The following MARCHF1 variants were observed in gnomAD, a reference collection of about 807,000 sequenced individuals.
MARCHF1 encodes the protein E3 ubiquitin-protein ligase MARCHF1.
MARCHF1 carries 40 observed loss-of-function variants against 54.2 expected under a neutral mutation model. That is an observed-to-expected ratio of 0.74 (90% CI 0.57 to 0.96). MARCHF1 has a LOEUF of 0.96. Ranked by LOEUF, MARCHF1 falls within the 40% of genes least tolerant of loss-of-function variation. The pLI is 0.00. For missense variants in MARCHF1, 586 were observed against 656.5 expected (o/e 0.89, Z 1.17); for synonymous variants, 236 against 236.3 (o/e 1.00, Z 0.01).
chr4:163,925,123 T>C (rs1301019846), intron 3 of MARCHF1, among the ~76,000 whole-genome samples: 1 of 151,856 alleles, frequency 6.6e-6, no homozygotes, highest in Non-Finnish European at 1.5e-5. Context: ...TTACAGGAAG[T>C]GAGGTTGGCC....
chr4:164,161,184 T>TCA (rs1178335928), intron 1 of MARCHF1, among the ~76,000 whole-genome samples: 1 of 152,100 alleles, frequency 6.6e-6, no homozygotes, highest in African/African-American at 2.4e-5. Flanking sequence ...CACCCTTGGT[T>TCA]CTGTCCTCGT....
At chr4:164,245,149 CA>C (rs1299462407) in intron 1 of MARCHF1, among the ~76,000 whole-genome samples, 1 of 151,958 alleles carries the variant, frequency 6.6e-6, no homozygotes, top group Admixed American at 6.6e-5. Flanking sequence ...GGCAGAGACA[CA>C]ACAAAAAAAG....
At chr4:164,081,749 CAA>C (rs1292273086) in intron 2 of MARCHF1, among the ~76,000 whole-genome samples, 1 of 152,096 alleles carries the variant, frequency 6.6e-6, no homozygotes, top group Non-Finnish European at 1.5e-5. Flanking sequence ...CATACACACA[CAA>C]ATACAGAAAC....
At chr4:163,898,997 G>T (rs2111299963) in intron 3 of MARCHF1, among the ~76,000 whole-genome samples, 1 of 152,232 alleles carries the variant, frequency 6.6e-6, no homozygotes, top group Admixed American at 6.5e-5. Context: ...TGTCCACATG[G>T]ACACAAAGAT....
At chr4:164,241,998 T>C (rs1032708233) in intron 1 of MARCHF1, among the ~76,000 whole-genome samples, 1 of 152,128 alleles carries the variant, frequency 6.6e-6, no homozygotes, top group African/African-American at 2.4e-5. Context: ...GACTCACTGA[T>C]TGCTAGCACG....
intron 4 of MARCHF1, among the ~76,000 whole-genome samples, chr4:163,712,024 T>C (rs1191992936): frequency 1.3e-5 from 2 of 152,178 alleles, no homozygotes; most frequent in East Asian, 3.9e-4. Flanking sequence ...TAAAAACCTA[T>C]CAAGTAGGTT....
intron 5 of MARCHF1, among the ~76,000 whole-genome samples, chr4:163,645,384 C>G (rs538527199): frequency 3.3e-5 from 5 of 152,234 alleles, no homozygotes; most frequent in East Asian, 1.9e-4. Flanking sequence ...CTTAACCTGC[C>G]AAAACATGTC....
At chr4:163,787,482 C>T (rs1016841833) in intron 4 of MARCHF1, among the ~76,000 whole-genome samples, 1 of 151,576 alleles carries the variant, frequency 6.6e-6, no homozygotes, top group Non-Finnish European at 1.5e-5. Flanking sequence ...ATGCTTGACA[C>T]CACTAATCCT....
intron 3 of MARCHF1, among the ~76,000 whole-genome samples, chr4:163,897,815 G>T (rs1424381750): frequency 2.0e-5 from 3 of 152,022 alleles, no homozygotes; most frequent in African/African-American, 7.2e-5. Flanking sequence ...CCAGCACTTT[G>T]GGAGGCCGAG....
At chr4:163,817,099 A>G (rs1313023235) in intron 4 of MARCHF1, among the ~76,000 whole-genome samples, 1 of 152,056 alleles carries the variant, frequency 6.6e-6, no homozygotes, top group Non-Finnish European at 1.5e-5. Flanking sequence ...CATAAGTTGC[A>G]TGATATCACA....
chr4:164,036,131 C>CA (rs34184383), intron 2 of MARCHF1, among the ~76,000 whole-genome samples: 68 of 133,854 alleles, frequency 5.1e-4, no homozygotes, highest in Admixed American at 7.6e-4. Context: ...AAACAAAAAA[C>CA]AAAAAAAAAA....
chr4:163,990,983 C>T (rs1752957445), intron 2 of MARCHF1, among the ~76,000 whole-genome samples: 1 of 152,042 alleles, frequency 6.6e-6, no homozygotes, highest in Non-Finnish European at 1.5e-5. Flanking sequence ...AATCCTTTAC[C>T]TCATTATGCA....
intron 4 of MARCHF1, among the ~76,000 whole-genome samples, chr4:163,708,101 C>A (rs1193314141): frequency 3.3e-5 from 5 of 151,480 alleles, no homozygotes; most frequent in African/African-American, 1.2e-4. Flanking sequence ...TGCAATCCCC[C>A]CCTGTAGCAG....
chr4:163,966,831 C>T (rs556989255), intron 3 of MARCHF1, among the ~76,000 whole-genome samples: 1 of 152,222 alleles, frequency 6.6e-6, no homozygotes, highest in Admixed American at 6.5e-5. Flanking sequence ...AGGAAAGTCA[C>T]ACTTGCAAAT....
intron 2 of MARCHF1, among the ~76,000 whole-genome samples, chr4:164,088,875 T>C (rs2111128089): frequency 6.6e-6 from 1 of 152,368 alleles, no homozygotes; most frequent in South Asian, 2.1e-4. Context: ...CAATAGGGAT[T>C]ATTTTCTTTA....
chr4:163,942,222 C>T (rs1296363670), intron 3 of MARCHF1, among the ~76,000 whole-genome samples: 11 of 152,162 alleles, frequency 7.2e-5, no homozygotes, highest in Non-Finnish European at 2.9e-5. Context: ...CCAACTCCAC[C>T]GTGTCCAATT....
intron 2 of MARCHF1, among the ~76,000 whole-genome samples, chr4:164,034,108 T>TAGATAGATAGATAGACAGAC (rs1484023412): frequency 7.2e-6 from 1 of 138,942 alleles, no homozygotes; most frequent in Non-Finnish European, 1.6e-5. Flanking sequence ...GATAGATAGA[T>TAGATAGATAGATAGACAGAC]AGATAGATAG....
chr4:163,602,826 G>A (rs1364714337), intron 7 of MARCHF1, among the ~76,000 whole-genome samples: 1 of 151,752 alleles, frequency 6.6e-6, no homozygotes, highest in East Asian at 1.9e-4. Flanking sequence ...AAAATAATAG[G>A]GAGAAGTAAC....
At chr4:163,678,715 C>CA (rs1204866604) in intron 5 of MARCHF1, among the ~76,000 whole-genome samples, 2 of 152,138 alleles carry the variant, frequency 1.3e-5, no homozygotes, top group Non-Finnish European at 2.9e-5. Context: ...TTGATGCTTT[C>CA]AGGAATACCT....
Sources: gnomAD v4.1 joint callset for allele counts (sites outside exome capture counted in the v4.1 genomes callset) on GRCh38, gnomAD v4.1.1 for gene constraint, MANE v1.5 for transcripts, NCBI Gene and HGNC (gene_info 2026-07-23, HGNC 2026-07-21) for gene names.